Variants in MROH1 observed in about 807,000 individuals in gnomAD.
The protein encoded by MROH1 is maestro heat like repeat family member 1.
Under a neutral mutation model 116.5 loss-of-function variants are expected in MROH1, and 117 were observed. That is an observed-to-expected ratio of 1.00 (90% CI 0.86 to 1.17). The LOEUF (loss-of-function observed/expected upper bound fraction) is 1.17, where lower values mean the gene tolerates loss of function less well. MROH1 is among the 50% of genes most tolerant of loss of function. The pLI is 0.00. For missense variants in MROH1, 1,873 were observed against 1,338.5 expected (o/e 1.40, Z -6.23); for synonymous variants, 921 against 583.9 (o/e 1.58, Z -8.32).
intron 10 of MROH1, 186 bp downstream of exon 10, chr8:144,192,587 G>T (rs1287945880): frequency 2.8e-6 from 2 of 706,350 alleles, no homozygotes; most frequent in African/African-American, 1.7e-5. Flanking sequence ...GCCCTGCCCA[G>T]TAGTGGCACA....
At chr8:144,236,858 G>C (rs1451782993) in intron 14 of MROH1, among the ~76,000 whole-genome samples, 7 of 139,416 alleles carry the variant, frequency 5.0e-5, no homozygotes, top group Non-Finnish European at 1.1e-4. Flanking sequence ...GCTGTACTTA[G>C]TTCTTTGGCC....
At chr8:144,232,462 C>CTTTATTTA (rs756441664) in intron 14 of MROH1, among the ~76,000 whole-genome samples, 1 of 150,700 alleles carries the variant, frequency 6.6e-6, no homozygotes, top group African/African-American at 2.4e-5. Flanking sequence ...AGATTGAGTG[C>CTTTATTTA]TTTGTTTGTT....
chr8:144,186,850 T>C (rs1286497164), intron 7 of MROH1, among the ~76,000 whole-genome samples: 2 of 152,178 alleles, frequency 1.3e-5, no homozygotes, highest in East Asian at 1.9e-4. Context: ...CCTAGCACTT[T>C]GGGAGGCTGA....
Position 144,260,997 on chromosome 8 carries a change from G to A in MROH1, c.4627G>A (p.Ala1543Thr). 1.6e-6 allele frequency: 1 copy of A among 626,582 alleles called. No homozygotes were observed. The allele number at this position is 626,582 out of a possible 1,614,324, so 38.8% of individuals were successfully genotyped here. The part of the protein sequence containing the change: ...AFQKHLQEGR[A>T]LHFGEFLNTT... Reference sequence around the variant, plus strand: ...CCAGAAACACCTGCAGGAGGGCCGAGCCCTGCACTTCGGGGAGTTCCTCAA... The same window carrying A: ...CCAGAAACACCTGCAGGAGGGCCGAACCCTGCACTTCGGGGAGTTCCTCAA... The change falls in exon 41 of 44, where the codon GCC becomes ACC. Residue 1543 changes from alanine (A) to threonine (T), a missense_variant. Ala to Thr is a moderately conservative substitution (Grantham distance 58, BLOSUM62 0). Transcript: ENST00000326134.
At chr8:144,232,569 C>T (rs1021002168) in intron 14 of MROH1, among the ~76,000 whole-genome samples, 20 of 151,810 alleles carry the variant, frequency 1.3e-4, no homozygotes, top group Non-Finnish European at 2.1e-4. Context: ...TCTCAGCTCA[C>T]GGCAACCTCC....
intron 33 of MROH1, chr8:144,252,009 A>G: frequency 4.5e-6 from 1 of 223,702 alleles, no homozygotes; most frequent in Non-Finnish European, 9.0e-6. Flanking sequence ...GCTGCTGCCC[A>G]TCCTTTCTCC....
chr8:144,199,839 G>A (rs1038246338), intron 11 of MROH1, among the ~76,000 whole-genome samples: 1 of 152,236 alleles, frequency 6.6e-6, no homozygotes, highest in East Asian at 1.9e-4. Flanking sequence ...CAGGAGGGGT[G>A]TGGGGAGACT....
rs1841420053 is a variant in MROH1 at position 144,243,843 on chromosome 8, C to A, written c.2476-20C>A. ...CTGGCGTTTCCTCCAAGGGCTGAGTCATGCACCTGCCTCACCCAGGAGTTC... is the reference window on the plus strand; with the variant it reads ...CTGGCGTTTCCTCCAAGGGCTGAGTAATGCACCTGCCTCACCCAGGAGTTC... On this transcript the variant is annotated intron_variant, in intron 25 of 43. Coordinates refer to ENST00000326134, the MANE Select transcript of MROH1 (RefSeq NM_032450.3). 2 of 775,190 alleles carry A rather than the reference C, an allele frequency of 2.6e-6. No individual in the cohort carries two copies. Among genetic ancestry groups the A allele is most frequent in the African/African-American group, 1.7e-5 (1 of 59,022 alleles). 48.0% of individuals were successfully genotyped at this position (775,190 alleles called of 1,614,324 possible).
intron 39 of MROH1, 80 bp from the exon 40 acceptor site, chr8:144,260,595 ACC>A (rs1844850786): frequency 2.6e-6 from 2 of 765,906 alleles, no homozygotes; most frequent in Non-Finnish European, 4.8e-6. Flanking sequence ...AGGCAAGGGC[ACC>A]CATCAATGGC....
At chr8:144,217,602 TTTTTC>T (rs1300836203) in intron 12 of MROH1, among the ~76,000 whole-genome samples, 4 of 152,232 alleles carry the variant, frequency 2.6e-5, no homozygotes, top group South Asian at 4.2e-4. Context: ...TTGTTGTTGT[TTTTTC>T]TTTTCTTTTC....
chr8:144,259,471 G>A, intron 37 of MROH1, 117 bp downstream of exon 37: 1 of 695,590 alleles, frequency 1.4e-6, no homozygotes, highest in South Asian at 1.5e-5. Context: ...TGTGAGGGAG[G>A]TTATGTGGAT....
chr8:144,241,845 G>A (rs911569489), intron 22 of MROH1, among the ~76,000 whole-genome samples: 10 of 152,360 alleles, frequency 6.6e-5, no homozygotes, highest in Non-Finnish European at 1.3e-4. Context: ...CAGCTGTGCT[G>A]GCGGAGCCTA....
chr8:144,247,255 C>A, intron 29 of MROH1, 46 bp from the exon 30 acceptor site: 1 of 756,014 alleles, frequency 1.3e-6, no homozygotes, highest in Non-Finnish European at 2.4e-6. Flanking sequence ...TAGGTGGCAT[C>A]CACCCACCCC....
At chr8:144,169,449 A>T (rs1451015926) in intron 4 of MROH1, among the ~76,000 whole-genome samples, 1 of 68,370 alleles carries the variant, frequency 1.5e-5, no homozygotes. Context: ...TTATTTATTC[A>T]TTATTGTTAT....
intron 14 of MROH1, among the ~76,000 whole-genome samples, chr8:144,232,233 A>C (rs1588375537): frequency 6.6e-6 from 1 of 152,244 alleles, no homozygotes; most frequent in East Asian, 1.9e-4. Flanking sequence ...GGTAACCACC[A>C]GCCTACTCTC....
At chr8:144,181,780 C>T (rs961560418) in intron 7 of MROH1, among the ~76,000 whole-genome samples, 1 of 152,018 alleles carries the variant, frequency 6.6e-6, no homozygotes, top group Admixed American at 6.5e-5. Flanking sequence ...GGCTGCAGGG[C>T]GGAGACAGAA....
intron 15 of MROH1, 53 bp downstream of exon 15, chr8:144,238,916 G>A: frequency 1.3e-6 from 1 of 768,614 alleles, no homozygotes; most frequent in Non-Finnish European, 2.4e-6. Context: ...CTCCAGGGCA[G>A]TGGCCCAGGG....
chr8:144,261,502 C>T (rs1554835871), intron 43 of MROH1, 153 bp downstream of exon 43: 2 of 690,708 alleles, frequency 2.9e-6, no homozygotes, highest in African/African-American at 1.8e-5. Context: ...TTAACTGTTC[C>T]AAAAGAGCTT....
At chr8:144,246,280 T>C (rs948677048) in intron 29 of MROH1, among the ~76,000 whole-genome samples, 5 of 151,882 alleles carry the variant, frequency 3.3e-5, no homozygotes, top group African/African-American at 1.2e-4. Flanking sequence ...GGCTAATTTT[T>C]GTATTTTTAG....
Sources: allele counts gnomAD v4.1 joint callset (sites outside exome capture counted in the v4.1 genomes callset), GRCh38; gene constraint gnomAD v4.1.1; transcripts MANE v1.5; gene names NCBI Gene and HGNC (gene_info 2026-07-23, HGNC 2026-07-21).